Variants in PCDH11Y observed in about 807,000 individuals in gnomAD.
PCDH11Y encodes the protein protocadherin 11 Y-linked, also known as protocadherin-11 Y-linked.
For missense variants in PCDH11Y, 12 were observed against 224.8 expected (o/e 0.05, Z 6.05); for synonymous variants, 9 against 83.6 (o/e 0.11, Z 4.87).
chrY:5,641,988 G>A, intron 4 of PCDH11Y, among the ~76,000 whole-genome samples: 1 of 33,890 alleles, frequency 3.0e-5, no homozygotes. Context: ...AAGAAAAAGT[G>A]GGTAACATAT....
chrY:5,174,641 C>A, intron 2 of PCDH11Y, among the ~76,000 whole-genome samples: 1 of 32,493 alleles, frequency 3.1e-5, no homozygotes, highest in Non-Finnish European at 7.6e-5. Context: ...AAAAACAGAT[C>A]TTTGTTTTTC....
intron 2 of PCDH11Y, among the ~76,000 whole-genome samples, chrY:5,339,985 T>C: frequency 3.1e-5 from 1 of 32,316 alleles, no homozygotes; most frequent in East Asian, 8.3e-4. Context: ...GAACTAACAG[T>C]ATATATGTAT....
intron 2 of PCDH11Y, among the ~76,000 whole-genome samples, chrY:5,310,152 T>C (rs1602902540): frequency 8.3e-5 from 2 of 24,202 alleles, no homozygotes; most frequent in South Asian, 1.0e-3. Flanking sequence ...CGTCATATTA[T>C]AGAAGCAAAA....
intron 1 of PCDH11Y, among the ~76,000 whole-genome samples, chrY:5,083,007 G>C: frequency 3.1e-5 from 1 of 32,508 alleles, no homozygotes; most frequent in Non-Finnish European, 7.6e-5. Context: ...CCTCCCCCCA[G>C]GAACTTGGTC....
chrY:5,129,281 A>G, intron 2 of PCDH11Y, among the ~76,000 whole-genome samples: 3 of 33,545 alleles, frequency 8.9e-5, no homozygotes, highest in Non-Finnish European at 2.2e-4. Context: ...AGTTATTACA[A>G]TGATTTTAGT....
intron 2 of PCDH11Y, among the ~76,000 whole-genome samples, chrY:5,421,702 A>G: frequency 3.5e-5 from 1 of 28,377 alleles, no homozygotes; most frequent in East Asian, 9.6e-4. Flanking sequence ...ATCCCCTTTT[A>G]TGATAAAAAA....
intron 4 of PCDH11Y, among the ~76,000 whole-genome samples, chrY:5,736,910 C>A (rs2053609830): frequency 6.1e-5 from 2 of 32,615 alleles, no homozygotes; most frequent in Admixed American, 5.6e-4. Flanking sequence ...CAATTAATTT[C>A]TCTTTTATGT....
At chrY:5,034,052 A>G in intron 3 of PCDH11Y, among the ~76,000 whole-genome samples, 1 of 33,028 alleles carries the variant, frequency 3.0e-5, no homozygotes, top group Admixed American at 2.8e-4. Context: ...AGTTTTCCCC[A>G]GTTAAGTTTT....
intron 3 of PCDH11Y, among the ~76,000 whole-genome samples, chrY:5,035,808 A>T: frequency 3.1e-5 from 1 of 32,308 alleles, no homozygotes; most frequent in Admixed American, 2.9e-4. Flanking sequence ...TTGAAAAAAA[A>T]ATTTTATTAC....
At chrY:5,221,829 G>A in intron 2 of PCDH11Y, among the ~76,000 whole-genome samples, 1 of 31,513 alleles carries the variant, frequency 3.2e-5, no homozygotes, top group African/African-American at 1.2e-4. Context: ...TTGAATAGAA[G>A]TGGCAAAGGA....
At chrY:5,156,983 G>A in intron 2 of PCDH11Y, among the ~76,000 whole-genome samples, 1 of 32,928 alleles carries the variant, frequency 3.0e-5, no homozygotes, top group Non-Finnish European at 7.5e-5. Flanking sequence ...ATTTAGCACA[G>A]TTCTCTATGC....
In PCDH11Y at chrY:5,707,934, T is replaced by C. The variant is rs1176578300; in HGVS notation, c.3353-29338T>C. Among the ~76,000 whole-genome samples, 8 of 31,752 alleles carry C rather than the reference T, an allele frequency of 2.5e-4. No homozygotes were observed. In the East Asian group the frequency reaches 6.6e-3, roughly 26 times the overall value. The allele number at this position is 31,752 out of a possible 37,273, so 85.2% of individuals were successfully genotyped here. A position where few individuals can be genotyped will look rare whatever the true frequency, so the allele number is the denominator to read the frequency against. On this transcript the variant is annotated intron_variant, in intron 4 of 4. Coordinates refer to the PCDH11Y transcript ENST00000400457. The stretch of plus-strand genomic sequence containing the variant: ...CCTCAAGGCATTTAAGAATGAAATG[T>C]CCAGTGGTCAAGGACTAAAAAAAAG...
intron 2 of PCDH11Y, among the ~76,000 whole-genome samples, chrY:5,420,990 G>A (rs71201672): frequency 3.4e-5 from 1 of 29,009 alleles, no homozygotes; most frequent in African/African-American, 1.4e-4. Flanking sequence ...GGCAGATCAC[G>A]AGGTCAGGAG....
intron 1 of PCDH11Y, among the ~76,000 whole-genome samples, chrY:5,010,193 A>G (rs2124617991): frequency 1.9e-4 from 5 of 26,019 alleles, no homozygotes; most frequent in Non-Finnish European, 4.8e-4. Context: ...GCGACAGAGC[A>G]GGACTCCGTC....
At chrY:5,354,344 C>A (rs2053163217) in intron 2 of PCDH11Y, among the ~76,000 whole-genome samples, 1 of 32,438 alleles carries the variant, frequency 3.1e-5, no homozygotes. Flanking sequence ...AGAGAGGATA[C>A]TTCTTTCCTT....
At chrY:5,094,356 T>C in intron 1 of PCDH11Y, among the ~76,000 whole-genome samples, 1 of 32,186 alleles carries the variant, frequency 3.1e-5, no homozygotes. Flanking sequence ...GGAATCATCA[T>C]TCAGTAATAA....
chrY:5,515,560 C>T, intron 3 of PCDH11Y, among the ~76,000 whole-genome samples: 2 of 33,092 alleles, frequency 6.0e-5, no homozygotes, highest in Non-Finnish European at 1.5e-4. Context: ...CTTCACAGAA[C>T]GAGAAAAAGG....
chrY:5,557,029 T>A, intron 3 of PCDH11Y, among the ~76,000 whole-genome samples: 1 of 33,569 alleles, frequency 3.0e-5, no homozygotes, highest in African/African-American at 1.2e-4. Context: ...TCTACATGAC[T>A]GTTCTTGTAC....
intron 2 of PCDH11Y, among the ~76,000 whole-genome samples, chrY:5,340,916 C>T: frequency 6.0e-5 from 2 of 33,584 alleles, no homozygotes; most frequent in South Asian, 1.3e-3. Context: ...TTTCTACCAT[C>T]TTCTTAGATT....
Sources: gnomAD v4.1 joint callset for allele counts (sites outside exome capture counted in the v4.1 genomes callset) on GRCh38, gnomAD v4.1.1 for gene constraint, MANE v1.5 for transcripts, NCBI Gene and HGNC (gene_info 2026-07-23, HGNC 2026-07-21) for gene names.